The following AFF1 variants were observed in gnomAD, a reference collection of about 807,000 sequenced individuals.
The protein encoded by AFF1 is AF4/FMR2 family member 1.
AFF1 carries 48 observed loss-of-function variants against 121.7 expected under a neutral mutation model. The observed-to-expected ratio is 0.39, with a 90% confidence interval of 0.31 to 0.50. The LOEUF (loss-of-function observed/expected upper bound fraction) is 0.50, where lower values mean the gene tolerates loss of function less well. AFF1 is among the 20% of genes least tolerant of loss of function. The probability of loss-of-function intolerance (pLI) is 0.76; values close to 1 mark genes in which losing one functional copy is unlikely to be tolerated. For synonymous variants in AFF1, 613 were observed against 563.0 expected (o/e 1.09, Z -1.26); for missense variants, 1,523 against 1,511.7 (o/e 1.01, Z -0.12).
At chr4:86,976,348 TATGGAATCAACC>T (rs1313503278) in intron 2 of AFF1, among the ~76,000 whole-genome samples, 1 of 152,108 alleles carries the variant, frequency 6.6e-6, no homozygotes, top group East Asian at 1.9e-4. Context: ...CGCTCCGCAT[TATGGAATCAACC>T]ATGGAATCAA....
At chr4:86,950,530 A>G (rs1322167424) in intron 2 of AFF1, among the ~76,000 whole-genome samples, 2 of 152,232 alleles carry the variant, frequency 1.3e-5, no homozygotes, top group Non-Finnish European at 2.9e-5. Flanking sequence ...TCACTAGTCT[A>G]AAAAATAAAA....
intron 4 of AFF1, among the ~76,000 whole-genome samples, chr4:87,077,508 G>A (rs1187726649): frequency 6.6e-6 from 1 of 152,040 alleles, no homozygotes; most frequent in Admixed American, 6.6e-5. Context: ...GTAATGAATA[G>A]GTAATAGGTC....
chr4:87,017,775 A>G (rs1727455917), intron 2 of AFF1, among the ~76,000 whole-genome samples: 1 of 152,178 alleles, frequency 6.6e-6, no homozygotes, highest in Non-Finnish European at 1.5e-5. Flanking sequence ...TGCCTGGGGA[A>G]GGTGGTGACT....
intron 2 of AFF1, among the ~76,000 whole-genome samples, chr4:86,986,157 C>T (rs1314227161): frequency 6.6e-6 from 1 of 151,928 alleles, no homozygotes; most frequent in African/African-American, 2.4e-5. Context: ...ACTGCAACCT[C>T]CACCTCCTGG....
chr4:87,107,037 TA>T (rs1725979579), intron 10 of AFF1, among the ~76,000 whole-genome samples: 1 of 151,804 alleles, frequency 6.6e-6, no homozygotes, highest in African/African-American at 2.4e-5. Context: ...GAGGCAGGAG[TA>T]ACATTGAGAG....
At chr4:86,935,804 TTAA>T in intron 1 of AFF1, 1 of 86,744 alleles carries the variant, frequency 1.2e-5, no homozygotes, top group East Asian at 3.0e-4. Context: ...CTTCTGAGAC[TTAA>T]CTTCAGGGAC....
chr4:87,073,314 A>G (rs999298515), intron 4 of AFF1, among the ~76,000 whole-genome samples: 5 of 109,830 alleles, frequency 4.6e-5, no homozygotes, highest in African/African-American at 1.0e-4. Context: ...AAAAAAAAAA[A>G]GCGGGGGCGG....
intron 2 of AFF1, among the ~76,000 whole-genome samples, chr4:86,951,602 C>CTTTT (rs1170666576): frequency 2.6e-5 from 3 of 115,490 alleles, no homozygotes; most frequent in African/African-American, 1.1e-4. Context: ...ACTTTTTTTT[C>CTTTT]TTTTTCTTTT....
At chr4:86,983,443 T>A (rs1189007690) in intron 2 of AFF1, among the ~76,000 whole-genome samples, 2 of 151,804 alleles carry the variant, frequency 1.3e-5, no homozygotes, top group Non-Finnish European at 2.9e-5. Flanking sequence ...GGAGAATCAC[T>A]TGAACCCAGG....
At chr4:87,132,213 GGCT>G in intron 18 of AFF1, 55 bp from the exon 19 acceptor site, 1 of 1,574,960 alleles carries the variant, frequency 6.3e-7, no homozygotes, top group Non-Finnish European at 8.6e-7. Context: ...AAGGTTAGAT[GGCT>G]GCTTTTCTGT....
At chr4:86,975,954 T>A (rs1723272126) in intron 2 of AFF1, among the ~76,000 whole-genome samples, 1 of 152,142 alleles carries the variant, frequency 6.6e-6, no homozygotes, top group Non-Finnish European at 1.5e-5. Context: ...GGTGACATTT[T>A]AAAAAAGACA....
intron 1 of AFF1, among the ~76,000 whole-genome samples, chr4:86,943,187 T>C (rs1720592386): frequency 6.6e-6 from 1 of 152,176 alleles, no homozygotes; most frequent in African/African-American, 2.4e-5. Flanking sequence ...CTTCAAAGTG[T>C]AGAAGAGATA....
At chr4:87,091,398 C>T (rs768775102) in intron 6 of AFF1, among the ~76,000 whole-genome samples, 7 of 152,094 alleles carry the variant, frequency 4.6e-5, no homozygotes, top group East Asian at 1.9e-4. Flanking sequence ...AGCGAGACTC[C>T]GTCTCAAAAA....
chr4:86,941,277 G>C (rs1720433253), intron 1 of AFF1, among the ~76,000 whole-genome samples: 4 of 152,160 alleles, frequency 2.6e-5, no homozygotes. Flanking sequence ...TTGGTAGGCT[G>C]ATGTGGGAGG....
At chr4:87,036,807 C>T (rs1032135042) in intron 2 of AFF1, 3 of 514,618 alleles carry the variant, frequency 5.8e-6, no homozygotes, top group Non-Finnish European at 1.2e-5. Flanking sequence ...CAGCAAGTAT[C>T]TGCTTTTTTT....
intron 2 of AFF1, among the ~76,000 whole-genome samples, chr4:87,042,897 G>A (rs1287808124): frequency 6.6e-6 from 1 of 152,180 alleles, no homozygotes; most frequent in East Asian, 1.9e-4. Flanking sequence ...TGGAAGTATG[G>A]GAGAAACCCA....
chr4:87,018,965 CAGTA>C (rs1727621043), intron 2 of AFF1, among the ~76,000 whole-genome samples: 2 of 152,148 alleles, frequency 1.3e-5, no homozygotes, highest in Non-Finnish European at 2.9e-5. Flanking sequence ...AAGATTTAGA[CAGTA>C]AGGAGGGCAT....
intron 2 of AFF1, among the ~76,000 whole-genome samples, chr4:87,038,474 G>A (rs758149637): frequency 6.6e-6 from 1 of 152,112 alleles, no homozygotes; most frequent in Non-Finnish European, 1.5e-5. Context: ...AATGTTTCCC[G>A]CATGTTAGAT....
At chr4:87,128,352 T>C (rs1238119722) in intron 16 of AFF1, among the ~76,000 whole-genome samples, 1 of 152,230 alleles carries the variant, frequency 6.6e-6, no homozygotes, top group Non-Finnish European at 1.5e-5. Flanking sequence ...TAGTTAATTG[T>C]GTACATAATT....
Sources: gnomAD v4.1 joint callset for allele counts (sites outside exome capture counted in the v4.1 genomes callset) on GRCh38, gnomAD v4.1.1 for gene constraint, MANE v1.5 for transcripts, NCBI Gene and HGNC (gene_info 2026-07-23, HGNC 2026-07-21) for gene names.